SLC22A15: variants seen among roughly 807,000 people sequenced by gnomAD.
The protein encoded by SLC22A15 is flipt 1.
In SLC22A15, 45 loss-of-function variants were observed where a neutral mutation model predicts 62.7. The ratio of observed to expected loss-of-function variants is 0.72; its 90% CI spans 0.56 to 0.92. SLC22A15 has a LOEUF of 0.92. Ranked by LOEUF, SLC22A15 falls within the 40% of genes least tolerant of loss-of-function variation. The pLI, the probability that SLC22A15 is intolerant of heterozygous loss-of-function variation, is 0.00. For synonymous variants in SLC22A15, 264 were observed against 267.0 expected (o/e 0.99, Z 0.11); for missense variants, 622 against 665.6 (o/e 0.93, Z 0.72).
At chr1:115,990,180 C>T (rs1008519065) in intron 1 of SLC22A15, among the ~76,000 whole-genome samples, 1 of 152,102 alleles carries the variant, frequency 6.6e-6, no homozygotes, top group Non-Finnish European at 1.5e-5. Context: ...ATCTGTGTTG[C>T]GTCTTGGAGG....
intron 1 of SLC22A15, among the ~76,000 whole-genome samples, chr1:115,985,678 G>A (rs1654822120): frequency 6.6e-6 from 1 of 152,092 alleles, no homozygotes; most frequent in South Asian, 2.1e-4. Context: ...GCCGGGCGCG[G>A]TGGCTCATGC....
At chr1:116,002,275 C>A (rs1655782470) in intron 2 of SLC22A15, among the ~76,000 whole-genome samples, 1 of 152,192 alleles carries the variant, frequency 6.6e-6, no homozygotes, top group African/African-American at 2.4e-5. Flanking sequence ...ACCACTGGGA[C>A]TGTACTGGGT....
Position 116,062,789 on chromosome 1 carries a change from G to GC in SLC22A15, c.1201dup (p.His401ProfsTer16), listed in dbSNP as rs1557910583. 1 of 1,613,918 alleles carries GC rather than the reference G, an allele frequency of 6.2e-7. No homozygotes were observed. The highest frequency in any genetic ancestry group is 1.1e-5 in the South Asian group (1 of 91,084). On this transcript the variant is annotated frameshift_variant, in exon 9 of 12. Transcript: ENST00000369503. LOFTEE classifies it high-confidence loss of function. ...ACAGGTGTGTTTGCAGTGGTGAACA[G>GC]CCATTCCTTGTCCTTGCTGGGGAAG...
rs182559104 is a variant in SLC22A15 at position 116,038,454 on chromosome 1, C to T, written c.1171+1066C>T. Among the ~76,000 whole-genome samples, 990 of 152,322 alleles carry T rather than the reference C, an allele frequency of 6.5e-3. 5 individuals are homozygous for T. Among genetic ancestry groups the T allele is most frequent in the Non-Finnish European group, 8.5e-3 (579 of 68,030 alleles). ...TATCTACTCTGCTGTTGATTGCCCC[C>T]TGAGTTCTATACCTTGAGCCTCGAG... On this transcript the variant is annotated intron_variant, in intron 8 of 11. Transcript: ENST00000369503.
chr1:116,007,969 G>A (rs894638367), intron 2 of SLC22A15, among the ~76,000 whole-genome samples: 5 of 152,206 alleles, frequency 3.3e-5, no homozygotes, highest in Middle Eastern at 3.4e-3. Flanking sequence ...CTCTGCCACC[G>A]CCAGCCATTT....
At chr1:116,056,451 A>C (rs865928331) in intron 8 of SLC22A15, among the ~76,000 whole-genome samples, 3,794 of 151,046 alleles carry the variant, frequency 0.025, 109 homozygotes, top group African/African-American at 0.073. Flanking sequence ...GGGTAGGAAG[A>C]ATCAATATCA....
At chr1:116,009,361 T>TAAAGC (rs1358138176) in intron 2 of SLC22A15, among the ~76,000 whole-genome samples, 7,715 of 152,140 alleles carry the variant, frequency 0.051, 682 homozygotes, top group African/African-American at 0.18. Context: ...GCTTTGTGCT[T>TAAAGC]TAGAGGCCTG....
chr1:115,998,701 GT>G (rs1655555027), intron 2 of SLC22A15, among the ~76,000 whole-genome samples: 1 of 151,446 alleles, frequency 6.6e-6, no homozygotes, highest in Admixed American at 6.6e-5. Flanking sequence ...TTAGCTAAAG[GT>G]TTATTGGTTT....
At chr1:116,030,237 C>G (rs1657326393) in intron 5 of SLC22A15, among the ~76,000 whole-genome samples, 1 of 152,140 alleles carries the variant, frequency 6.6e-6, no homozygotes, top group Non-Finnish European at 1.5e-5. Flanking sequence ...AGCATCTTTC[C>G]TTTCAGCACC....
At chr1:116,062,413 G>A (rs1357485971) in intron 8 of SLC22A15, among the ~76,000 whole-genome samples, 1 of 152,162 alleles carries the variant, frequency 6.6e-6, no homozygotes, top group Admixed American at 6.5e-5. Flanking sequence ...TAAGAGGGAA[G>A]AAAGGAGAGT....
At chr1:116,026,536 G>A (rs115846537) in intron 4 of SLC22A15, among the ~76,000 whole-genome samples, 1,709 of 152,240 alleles carry the variant, frequency 0.011, 24 homozygotes, top group Non-Finnish European at 0.019. Flanking sequence ...CCTGAAAAGC[G>A]TATTACCCAT....
chr1:115,994,464 A>T (rs963507964), intron 2 of SLC22A15, among the ~76,000 whole-genome samples: 2 of 152,188 alleles, frequency 1.3e-5, no homozygotes, highest in Admixed American at 6.5e-5. Flanking sequence ...GCTTTTTAGG[A>T]ATATATCCAA....
intron 10 of SLC22A15, among the ~76,000 whole-genome samples, chr1:116,064,943 C>G (rs1298490159): frequency 6.6e-6 from 1 of 152,062 alleles, no homozygotes; most frequent in East Asian, 1.9e-4. Flanking sequence ...TAAATACCTT[C>G]CCCCAAGAAC....
rs549617595 is a variant in SLC22A15 at position 115,979,976 on chromosome 1, T to A, written c.87+3262T>A. 1.2e-3 allele frequency among the ~76,000 whole-genome samples: 184 copies of A among 150,400 alleles called. 1 individual carries two copies. Among genetic ancestry groups the A allele is most frequent in the African/African-American group, 3.5e-3 (146 of 41,226 alleles). The stretch of plus-strand genomic sequence containing the variant: ...TCTGGTGTTCAGGAATGCATTATTT[T>A]TATATATATATTAAGTATATATATA... On this transcript the variant is annotated intron_variant, in intron 1 of 11. Coordinates refer to ENST00000369503, the MANE Select transcript of SLC22A15 (RefSeq NM_018420.3).
chr1:116,022,564 C>T (rs1656894456), intron 4 of SLC22A15, among the ~76,000 whole-genome samples: 1 of 152,186 alleles, frequency 6.6e-6, no homozygotes, highest in Admixed American at 6.5e-5. Flanking sequence ...GTATACCACT[C>T]CCACCCTGCC....
chr1:116,014,525 T>C (rs1206237906), intron 2 of SLC22A15, among the ~76,000 whole-genome samples: 1 of 152,212 alleles, frequency 6.6e-6, no homozygotes, highest in Non-Finnish European at 1.5e-5. Context: ...GTCTTTATAG[T>C]CCTCCTTTTC....
Position 115,984,877 on chromosome 1 carries a change from A to G in SLC22A15, c.88-7154A>G, listed in dbSNP as rs1654782276. 2.6e-5 allele frequency among the ~76,000 whole-genome samples: 4 copies of G among 152,054 alleles called. No individual in the cohort carries two copies. The South Asian group carries it at 6.2e-4, about 24-fold the overall frequency. On this transcript the variant is annotated intron_variant, in intron 1 of 11. Transcript: ENST00000369503. Reference sequence around the variant, plus strand: ...TTAAAAATAGAAAAAAGCTTATAGAATAAGGATATAAAGAAAGAAAATATT... The same window carrying G: ...TTAAAAATAGAAAAAAGCTTATAGAGTAAGGATATAAAGAAAGAAAATATT...
At chr1:116,015,742 A>T (rs1288363914) in intron 2 of SLC22A15, among the ~76,000 whole-genome samples, 1 of 152,216 alleles carries the variant, frequency 6.6e-6, no homozygotes, top group Non-Finnish European at 1.5e-5. Context: ...AAGAGACTAA[A>T]ACAAACACTA....
At chr1:115,999,277 T>C (rs1310785202) in intron 2 of SLC22A15, among the ~76,000 whole-genome samples, 3 of 152,220 alleles carry the variant, frequency 2.0e-5, no homozygotes, top group Admixed American at 6.5e-5. Context: ...ATGAAATGTT[T>C]TGTAAATATT....
Sources: allele counts gnomAD v4.1 joint callset (sites outside exome capture counted in the v4.1 genomes callset), GRCh38; gene constraint gnomAD v4.1.1; transcripts MANE v1.5; gene names NCBI Gene and HGNC (gene_info 2026-07-23, HGNC 2026-07-21).